The following PCDHGA4 variants were observed in gnomAD, a reference collection of about 807,000 sequenced individuals.
PCDHGA4 encodes protocadherin gamma-A4.
A neutral mutation model predicts 54.6 loss-of-function variants in PCDHGA4; 38 were observed. That is an observed-to-expected ratio of 0.70 (90% CI 0.54 to 0.91). The LOEUF (loss-of-function observed/expected upper bound fraction) is 0.91, where lower values mean the gene tolerates loss of function less well. Ranked by LOEUF, PCDHGA4 falls within the 40% of genes least tolerant of loss-of-function variation. The pLI, the probability that PCDHGA4 is intolerant of heterozygous loss-of-function variation, is 0.00. For synonymous variants in PCDHGA4, 511 were observed against 512.9 expected (o/e 1.00, Z 0.05); for missense variants, 1,298 against 1,220.9 (o/e 1.06, Z -0.94).
chr5:141,384,658 C>T lies in PCDHGA4; in HGVS notation c.2514+27037C>T, dbSNP rs755303317. 9.3e-6 allele frequency: 15 copies of T among 1,614,104 alleles called. No homozygotes were observed. The African/African-American group carries it at 1.7e-4, about 19-fold the overall frequency. Reference sequence around the variant, plus strand: ...ACCCCGCTCCGCAGAGCCCGGCTACCTGGTGACCAAGGTGGTGGCGGTGGA... The same window carrying T: ...ACCCCGCTCCGCAGAGCCCGGCTACTTGGTGACCAAGGTGGTGGCGGTGGA... On this transcript the variant is annotated intron_variant, in intron 1 of 3. Coordinates refer to ENST00000571252, the MANE Select transcript of PCDHGA4 (RefSeq NM_018917.4).
Position 141,491,466 on chromosome 5 carries a change from T to G in PCDHGA4, c.2515-3341T>G. The G allele has an allele frequency of 6.2e-7, 1 of 1,614,068 alleles. No individual in the cohort carries two copies. Among genetic ancestry groups the G allele is most frequent in the Non-Finnish European group, 8.5e-7 (1 of 1,179,986 alleles). ...AGGACTCACCCTCCCCGGACTTCTA[T>G]AAGCAGTCCAGCCCCAACCTGCAGG... On this transcript the variant is annotated intron_variant, in intron 1 of 3. Coordinates refer to ENST00000571252, the MANE Select transcript of PCDHGA4 (RefSeq NM_018917.4). This position sits in a 1 kb window ranked among gnomAD's most constrained non-coding sequence, Gnocchi z 6.9.
At chr5:141,398,273 A>G (rs1223394149) in intron 1 of PCDHGA4, 1 of 1,414,722 alleles carries the variant, frequency 7.1e-7, no homozygotes, top group Non-Finnish European at 9.6e-7. Flanking sequence ...GTAGTGGGGA[A>G]CCTCGCCACG....
intron 1 of PCDHGA4, among the ~76,000 whole-genome samples, chr5:141,373,358 T>C (rs1769516017): frequency 6.6e-6 from 1 of 152,204 alleles, no homozygotes; most frequent in Non-Finnish European, 1.5e-5. Flanking sequence ...TAATGGGCAC[T>C]GTAATGAATT....
intron 1 of PCDHGA4, chr5:141,409,583 G>A (rs1221824873): frequency 1.2e-6 from 2 of 1,613,920 alleles, no homozygotes; most frequent in African/African-American, 1.3e-5. Flanking sequence ...CGTGGTCCAC[G>A]TGGCCGAGAA....
chr5:141,356,243 C>T lies in PCDHGA4; in HGVS notation c.1136C>T (p.Thr379Ile). The T allele has an allele frequency of 6.3e-7, 1 of 1,581,974 alleles. No homozygotes were observed. Among genetic ancestry groups the T allele is most frequent in the Non-Finnish European group, 8.6e-7 (1 of 1,163,306 alleles). Reference sequence around the variant, plus strand: ...GAAAATGACAACGCACCAGAAGTCACAGTTACATCTCTCACCAGCTCAGTC... The same window carrying T: ...GAAAATGACAACGCACCAGAAGTCATAGTTACATCTCTCACCAGCTCAGTC... ...LDENDNAPEVTVTSLTSSVQE... is the reference protein window; with the variant it reads ...LDENDNAPEVIVTSLTSSVQE... Residue 379 changes from threonine (T) to isoleucine (I), a missense_variant, in exon 1 of 4, where the codon ACA (threonine) becomes ATA (isoleucine). Thr to Ile is a moderately conservative substitution (Grantham distance 89, BLOSUM62 -1). Coordinates refer to ENST00000571252, the MANE Select transcript of PCDHGA4 (RefSeq NM_018917.4).
At chr5:141,465,894 G>A (rs970043849) in intron 1 of PCDHGA4, among the ~76,000 whole-genome samples, 1 of 152,098 alleles carries the variant, frequency 6.6e-6, no homozygotes, top group Non-Finnish European at 1.5e-5. Flanking sequence ...AGGCCGAGGC[G>A]GGCAAATCAC....
At chr5:141,414,948 G>A (rs957548133) in intron 1 of PCDHGA4, 20 of 1,614,084 alleles carry the variant, frequency 1.2e-5, no homozygotes, top group South Asian at 2.2e-5. Flanking sequence ...CCGGCTACCT[G>A]GTGACCAAGG....
chr5:141,420,293 A>T (rs1478341095), intron 1 of PCDHGA4: 1 of 1,485,484 alleles, frequency 6.7e-7, no homozygotes, highest in Admixed American at 2.2e-5. Context: ...TTAAAAATGT[A>T]TTTAATCCTT....
At position 141,389,081 on chromosome 5, in the gene PCDHGA4, G is replaced by A. The variant is rs371979686; in HGVS notation, c.2514+31460G>A. On this transcript the variant is annotated intron_variant, in intron 1 of 3. Transcript: ENST00000571252. Reference sequence around the variant, plus strand: ...AAATATTAACTTCTTCAAGAAACACGTATAAATTAGTGACAGATGCTGTTC... The same window carrying A: ...AAATATTAACTTCTTCAAGAAACACATATAAATTAGTGACAGATGCTGTTC... 1.5e-5 allele frequency: 24 copies of A among 1,613,978 alleles called. No homozygotes were observed. In the South Asian group the frequency reaches 2.0e-4, roughly 13 times the overall value.
In PCDHGA4 at chr5:141,393,482, T is replaced by C. The variant is rs116240246; in HGVS notation, c.2514+35861T>C. The C allele has an allele frequency of 5.3e-4, 852 of 1,614,070 alleles. 7 individuals carry two copies. In the African/African-American group the frequency reaches 0.01, roughly 19 times the overall value. ...CGGATGGCGGCAAGCCGCCTCGCTC[T>C]AGCACAGTGCGCATCCACGTGACAG... is the stretch of plus-strand genomic sequence containing the variant. On this transcript the variant is annotated intron_variant, in intron 1 of 3. Coordinates refer to ENST00000571252, the MANE Select transcript of PCDHGA4 (RefSeq NM_018917.4).
intron 1 of PCDHGA4, among the ~76,000 whole-genome samples, chr5:141,405,886 CCAACACTGAAAGGAGG>C (rs1168478788): frequency 1.3e-5 from 2 of 152,086 alleles, no homozygotes; most frequent in African/African-American, 4.8e-5. Context: ...AATTGTTGCT[CCAACACTGAAAGGAGG>C]CATTTATTAG....
At chr5:141,361,215 G>C in intron 1 of PCDHGA4, 1 of 1,613,962 alleles carries the variant, frequency 6.2e-7, no homozygotes. Context: ...CGGAGGATTC[G>C]CCACCAGGAA....
intron 1 of PCDHGA4, among the ~76,000 whole-genome samples, chr5:141,481,063 C>T (rs2154578481): frequency 6.6e-6 from 1 of 151,952 alleles, no homozygotes; most frequent in Middle Eastern, 3.4e-3. Context: ...ACCTCAAAAA[C>T]AAAAAGAAAG....
chr5:141,510,833 C>G, intron 3 of PCDHGA4, 114 bp from the exon 4 acceptor site: 2 of 1,577,796 alleles, frequency 1.3e-6, no homozygotes, highest in Admixed American at 1.7e-5. Context: ...CAGTGCTCAG[C>G]GTGGTCAAGG....
chr5:141,389,265 G>C (rs1452714844), intron 1 of PCDHGA4: 1 of 1,614,004 alleles, frequency 6.2e-7, no homozygotes, highest in East Asian at 2.2e-5. Flanking sequence ...CCACGTGGCC[G>C]AGAACAACCC....
intron 1 of PCDHGA4, among the ~76,000 whole-genome samples, chr5:141,444,476 C>A (rs1228271706): frequency 6.6e-6 from 1 of 152,088 alleles, no homozygotes; most frequent in Non-Finnish European, 1.5e-5. Flanking sequence ...CGGTCGCGTA[C>A]TGGATTTATA....
chr5:141,383,179 G>C, intron 1 of PCDHGA4: 1 of 1,614,124 alleles, frequency 6.2e-7, no homozygotes, highest in Non-Finnish European at 8.5e-7. Context: ...AGACCGGGAA[G>C]AGATCTGCGC....
chr5:141,423,241 G>A (rs1485226833), intron 1 of PCDHGA4: 19 of 1,613,954 alleles, frequency 1.2e-5, no homozygotes, highest in Non-Finnish European at 1.4e-5. Flanking sequence ...CATCCCCGAA[G>A]TCCTGGCGGA....
intron 1 of PCDHGA4, among the ~76,000 whole-genome samples, chr5:141,461,046 G>A (rs984653754): frequency 6.6e-6 from 1 of 151,578 alleles, no homozygotes; most frequent in Non-Finnish European, 1.5e-5. Context: ...AGTCGATGGG[G>A]ACTTAGGTTG....
Sources: allele counts gnomAD v4.1 joint callset (sites outside exome capture counted in the v4.1 genomes callset), GRCh38; gene constraint gnomAD v4.1.1; non-coding constraint Gnocchi (gnomAD v3.1); transcripts MANE v1.5; gene names NCBI Gene and HGNC (gene_info 2026-07-23, HGNC 2026-07-21).